The following COP1 variants were observed in gnomAD, a reference collection of about 807,000 sequenced individuals.
COP1 encodes COP1 E3 ubiquitin ligase, also known as E3 ubiquitin-protein ligase COP1.
Under a neutral mutation model 101.3 loss-of-function variants are expected in COP1, and 24 were observed. The ratio of observed to expected loss-of-function variants is 0.24; its 90% confidence interval spans 0.17 to 0.33. The LOEUF (loss-of-function observed/expected upper bound fraction) is 0.33, where lower values mean the gene tolerates loss of function less well. Ranked by LOEUF, COP1 falls within the 10% of genes least tolerant of loss-of-function variation. COP1 has a pLI of 1.00. For synonymous variants in COP1, 347 were observed against 341.9 expected, an observed-to-expected ratio of 1.01 and a Z score of -0.17; for missense variants, 663 against 906.2, an observed-to-expected ratio of 0.73 and a Z score of 3.45.
intron 18 of COP1, among the ~76,000 whole-genome samples, chr1:175,952,989 T>C (rs1479415019): frequency 6.6e-6 from 1 of 152,198 alleles, no homozygotes; most frequent in East Asian, 1.9e-4. Context: ...ATTTGATTTC[T>C]TGTTTTTAAG....
At position 175,988,296 on chromosome 1, in the gene COP1, ATATAATC is replaced by A. The variant is rs1342452310; in HGVS notation, c.1957_1963del (p.Asp653Ter). 1 of 1,610,758 alleles carries A rather than the reference ATATAATC, an allele frequency of 6.2e-7. No homozygotes were observed. On this transcript the variant is annotated frameshift_variant, in exon 17 of 20. Coordinates refer to ENST00000367669, the MANE Select transcript of COP1 (RefSeq NM_022457.7). LOFTEE classifies it high-confidence loss of function. ...ACGATGGTTTCACTTACCACAAGCT[ATATAATC>A]TCCATTGGAAGCCAGGCCTACAAAG...
chr1:175,980,105 G>A (rs1222741227), intron 18 of COP1, among the ~76,000 whole-genome samples: 1 of 151,934 alleles, frequency 6.6e-6, no homozygotes, highest in African/African-American at 2.4e-5. Context: ...TATTATTATG[G>A]GCACTTTAGA....
At chr1:176,186,364 A>AC (rs1558282563) in intron 1 of COP1, among the ~76,000 whole-genome samples, 1 of 151,720 alleles carries the variant, frequency 6.6e-6, no homozygotes, top group Admixed American at 6.6e-5. Context: ...TAAAAAAAAA[A>AC]ACACAAAAAC....
At chr1:175,997,720 A>T (rs1476199658) in intron 15 of COP1, among the ~76,000 whole-genome samples, 1 of 152,212 alleles carries the variant, frequency 6.6e-6, no homozygotes, top group African/African-American at 2.4e-5. Context: ...CACCAGTTAG[A>T]ATGGCAATCA....
intron 14 of COP1, among the ~76,000 whole-genome samples, chr1:176,033,034 A>G (rs1438890772): frequency 6.6e-6 from 1 of 152,224 alleles, no homozygotes; most frequent in Non-Finnish European, 1.5e-5. Flanking sequence ...CATTACAATC[A>G]GCATGAGTTT....
intron 11 of COP1, among the ~76,000 whole-genome samples, chr1:176,080,165 A>C (rs1672646090): frequency 6.6e-6 from 1 of 152,230 alleles, no homozygotes; most frequent in African/African-American, 2.4e-5. Context: ...TTATCTGTCA[A>C]TTTTAAAAAA....
At chr1:175,967,471 G>GT (rs1237402618) in intron 18 of COP1, among the ~76,000 whole-genome samples, 5 of 151,780 alleles carry the variant, frequency 3.3e-5, no homozygotes, top group Non-Finnish European at 7.4e-5. Flanking sequence ...GGGTGACACA[G>GT]TGAGACTCAG....
In COP1 at chr1:176,135,070, T is replaced by G. The variant is rs537772309; in HGVS notation, c.908A>C (p.Tyr303Ser). ...IKRVEEMSGLYSPVSEDSTVP... is the reference protein window; with the variant it reads ...IKRVEEMSGLSSPVSEDSTVP... The stretch of plus-strand genomic sequence containing the variant: ...TGTGCTATCCTCACTGACAGGAGAG[T>G]ATAAGCCACTCATTTCCTGAAAATA... Residue 303 changes from tyrosine to serine, a missense_variant, in exon 8 of 20, where the codon TAC becomes TCC. Tyr to Ser is a moderately radical substitution (Grantham distance 144). This residue lies in a region of COP1 where 212 missense variants were observed against 240.7 expected (regional missense o/e 0.88). Coordinates refer to ENST00000367669, the MANE Select transcript of COP1 (RefSeq NM_022457.7). The G allele has an allele frequency of 5.0e-6, 8 of 1,603,620 alleles. No individual in the cohort carries two copies. In the Admixed American group the frequency reaches 1.3e-4, roughly 27 times the overall value.
At chr1:176,177,086 T>C (rs1697059094) in intron 2 of COP1, among the ~76,000 whole-genome samples, 1 of 152,096 alleles carries the variant, frequency 6.6e-6, no homozygotes, top group African/African-American at 2.4e-5. Flanking sequence ...AGAAATTGAC[T>C]AAATAAATTT....
chr1:175,994,079 G>C (rs1394740310), intron 15 of COP1, among the ~76,000 whole-genome samples: 1 of 152,132 alleles, frequency 6.6e-6, no homozygotes, highest in African/African-American at 2.4e-5. Flanking sequence ...AAGAGAGTGG[G>C]GGCCAATATT....
At chr1:176,206,476 C>G in intron 1 of COP1, 96 bp downstream of exon 1, 2 of 1,457,066 alleles carry the variant, frequency 1.4e-6, no homozygotes, top group Non-Finnish European at 1.9e-6. Context: ...CCCAAGCTCT[C>G]CAACAAGCCA....
At chr1:176,191,992 T>C (rs554405306) in intron 1 of COP1, among the ~76,000 whole-genome samples, 16 of 152,122 alleles carry the variant, frequency 1.1e-4, no homozygotes, top group African/African-American at 3.9e-4. Context: ...AGCTTCAGGG[T>C]CAGAAGTTCG....
At chr1:176,000,203 CCA>C (rs1661243916) in intron 15 of COP1, among the ~76,000 whole-genome samples, 1 of 151,992 alleles carries the variant, frequency 6.6e-6, no homozygotes, top group Admixed American at 6.6e-5. Context: ...GAGATTTCCC[CCA>C]GTGTTTTCTT....
chr1:175,973,712 A>G lies in COP1; in HGVS notation c.2133+13231T>C, dbSNP rs184139357. On this transcript the variant is annotated intron_variant, in intron 18 of 19. Transcript: ENST00000367669. ...TATACATAATTTCTACAATGGAAAAAAGTAAGTCTAGATCAATCTAATGGT... is the reference window on the plus strand; with the variant it reads ...TATACATAATTTCTACAATGGAAAAGAGTAAGTCTAGATCAATCTAATGGT... 1.1e-4 allele frequency among the ~76,000 whole-genome samples: 16 copies of G among 152,322 alleles called. No individual in the cohort carries two copies. In the East Asian group the frequency reaches 2.5e-3, roughly 24 times the overall value.
intron 6 of COP1, among the ~76,000 whole-genome samples, chr1:176,145,777 CAG>C (rs1691499301): frequency 2.0e-5 from 3 of 152,170 alleles, no homozygotes; most frequent in East Asian, 1.9e-4. Flanking sequence ...CGCTCAAAAA[CAG>C]AGAGACCTAT....
intron 5 of COP1, among the ~76,000 whole-genome samples, chr1:176,158,091 A>AG (rs1693739101): frequency 6.6e-6 from 1 of 151,962 alleles, no homozygotes; most frequent in Non-Finnish European, 1.5e-5. Flanking sequence ...AAAAACACAA[A>AG]GGGGGAAAAA....
chr1:176,191,001 C>A (rs747762593), intron 1 of COP1, among the ~76,000 whole-genome samples: 1 of 152,018 alleles, frequency 6.6e-6, no homozygotes, highest in African/African-American at 2.4e-5. Flanking sequence ...AGTTACACCT[C>A]ACATAAACAG....
chr1:175,964,296 A>G (rs1651735781), intron 18 of COP1, among the ~76,000 whole-genome samples: 1 of 152,154 alleles, frequency 6.6e-6, no homozygotes, highest in Non-Finnish European at 1.5e-5. Context: ...GTTTAAAAGC[A>G]TAACCTTGCT....
At position 176,184,596 on chromosome 1, in the gene COP1, T is replaced by G. The variant is rs770563863; in HGVS notation, c.467+37A>C. 2.7e-6 allele frequency: 4 copies of G among 1,499,362 alleles called. No homozygotes were observed. The South Asian group carries it at 4.9e-5, about 18-fold the overall frequency. The allele number at this position is 1,499,362 out of a possible 1,614,324, so 92.9% of individuals were successfully genotyped here. A position where few individuals can be genotyped will look rare whatever the true frequency, so the allele number is the denominator to read the frequency against. ...CTACATTTACAGATAAGTTTTAAAA[T>G]GTTAAAAGATTATTTTACTCAATAG... On this transcript the variant is annotated intron_variant, in intron 2 of 19. Coordinates refer to ENST00000367669, the MANE Select transcript of COP1 (RefSeq NM_022457.7).
Sources: allele counts gnomAD v4.1 joint callset (sites outside exome capture counted in the v4.1 genomes callset), GRCh38; gene constraint gnomAD v4.1.1; regional missense constraint gnomAD v4.1.1; transcripts MANE v1.5; gene names NCBI Gene and HGNC (gene_info 2026-07-23, HGNC 2026-07-21).